ATP6V1C1: variants seen among roughly 807,000 people sequenced by gnomAD.
ATP6V1C1 encodes the protein V-type proton ATPase subunit C 1.
Under a neutral mutation model 53.9 loss-of-function variants are expected in ATP6V1C1, and 45 were observed. The observed-to-expected ratio is 0.83, with a 90% confidence interval of 0.66 to 1.07. The LOEUF (loss-of-function observed/expected upper bound fraction) is 1.07, where lower values mean the gene tolerates loss of function less well. Among genes scored for constraint, ATP6V1C1 ranks in the 50% least tolerant of loss-of-function variants. The probability of loss-of-function intolerance (pLI) is 0.00; values close to 1 mark genes in which losing one functional copy is unlikely to be tolerated. For synonymous variants in ATP6V1C1, 153 were observed against 155.2 expected (o/e 0.99, Z 0.11); for missense variants, 315 against 440.3 (o/e 0.72, Z 2.55).
intron 3 of ATP6V1C1, among the ~76,000 whole-genome samples, chr8:103,043,472 A>G (rs2892493): frequency 0.83 from 125,190 of 151,236 alleles, 52,186 homozygotes; most frequent in African/African-American, 0.93. Flanking sequence ...ACAGGCACCC[A>G]CCACCACGCC....
intron 7 of ATP6V1C1, 56 bp downstream of exon 7, chr8:103,054,038 T>C: frequency 7.3e-7 from 1 of 1,372,874 alleles, no homozygotes; most frequent in Admixed American, 1.9e-5. Context: ...AAAATGTTAG[T>C]ATCTAGTATT....
chr8:103,059,671 C>T (rs1010525886), intron 8 of ATP6V1C1, among the ~76,000 whole-genome samples: 3 of 152,088 alleles, frequency 2.0e-5, no homozygotes, highest in Non-Finnish European at 4.4e-5. Context: ...ACTCTCCCCA[C>T]TCCCCCAAGA....
intron 1 of ATP6V1C1, among the ~76,000 whole-genome samples, chr8:103,032,496 T>C (rs913429339): frequency 7.2e-5 from 11 of 152,164 alleles, no homozygotes; most frequent in African/African-American, 2.7e-4. Flanking sequence ...CTTTTTCTTT[T>C]TCTTTTCTTT....
chr8:103,048,580 C>A (rs1817146131), intron 3 of ATP6V1C1, among the ~76,000 whole-genome samples: 1 of 152,138 alleles, frequency 6.6e-6, no homozygotes, highest in Non-Finnish European at 1.5e-5. Context: ...TGGCTATTTA[C>A]AGACTCTTTC....
intron 1 of ATP6V1C1, among the ~76,000 whole-genome samples, chr8:103,039,692 T>C (rs1279156774): frequency 6.6e-6 from 1 of 152,062 alleles, no homozygotes; most frequent in East Asian, 1.9e-4. Context: ...TCTGAATAGA[T>C]TTGTCTCTGT....
chr8:103,030,746 G>T (rs1484504323), intron 1 of ATP6V1C1, among the ~76,000 whole-genome samples: 3 of 150,164 alleles, frequency 2.0e-5, no homozygotes, highest in African/African-American at 7.6e-5. Flanking sequence ...GCTAGGCAGA[G>T]AAATAAACAC....
At chr8:103,057,249 C>T (rs1052185248) in intron 8 of ATP6V1C1, among the ~76,000 whole-genome samples, 2 of 152,300 alleles carry the variant, frequency 1.3e-5, no homozygotes, top group Non-Finnish European at 2.9e-5. Flanking sequence ...ATGTAAATGA[C>T]GTGGTAGCCT....
At chr8:103,050,383 A>G (rs1817179343) in intron 4 of ATP6V1C1, among the ~76,000 whole-genome samples, 1 of 152,188 alleles carries the variant, frequency 6.6e-6, no homozygotes, top group Admixed American at 6.5e-5. Context: ...GACTGGTATT[A>G]TGTAAGGAGA....
At position 103,051,140 on chromosome 8, in the gene ATP6V1C1, C is replaced by T; in HGVS notation, c.377C>T (p.Ala126Val). ...QSLKNISEII[A>V]KGVTQIDNDL... ...CTGAAAAATATTTCTGAAATAATTG[C>T]CAAGGTAAGATAATACTTGAGACAA... The change falls in exon 5 of 13, where the codon GCC (alanine) becomes GTC (valine). Residue 126 changes from alanine to valine, a missense_variant. Coordinates refer to ENST00000518738, the MANE Select transcript of ATP6V1C1 (RefSeq NM_001695.5). The T allele has an allele frequency of 6.3e-7, 1 of 1,595,508 alleles. No homozygotes were observed. The highest frequency in any genetic ancestry group is 8.6e-7 in the Non-Finnish European group (1 of 1,165,468).
chr8:103,026,731 T>A (rs1370031385), intron 1 of ATP6V1C1, among the ~76,000 whole-genome samples: 1 of 152,096 alleles, frequency 6.6e-6, no homozygotes, highest in African/African-American at 2.4e-5. Context: ...AAGAATCGCT[T>A]AAACCCAGGA....
intron 12 of ATP6V1C1, among the ~76,000 whole-genome samples, chr8:103,067,843 C>T (rs1177884589): frequency 6.6e-6 from 1 of 152,072 alleles, no homozygotes; most frequent in African/African-American, 2.4e-5. Flanking sequence ...CCTCGGCCTC[C>T]CAAAGTGCTA....
Position 103,048,913 on chromosome 8 carries a change from G to A in ATP6V1C1, c.244G>A (p.Asp82Asn), listed in dbSNP as rs950920980. The A allele has an allele frequency of 1.2e-6, 2 of 1,613,202 alleles. No homozygotes were observed. Among genetic ancestry groups the A allele is most frequent in the African/African-American group, 2.7e-5 (2 of 74,900 alleles). The part of the protein sequence containing the change: ...VAQYMADVLE[D>N]SKDKVQENLL... ...TCAATACATGGCTGATGTATTGGAA[G>A]ATAGCAAAGACAAAGTTCAAGAGAA... Residue 82 changes from aspartate (D) to asparagine (N), a missense_variant, in exon 4 of 13, where the codon GAT (aspartate) becomes AAT (asparagine). Asp to Asn is a conservative substitution (Grantham distance 23, BLOSUM62 1). Transcript: ENST00000518738.
intron 8 of ATP6V1C1, among the ~76,000 whole-genome samples, chr8:103,059,157 A>G (rs527939295): frequency 6.6e-6 from 1 of 152,288 alleles, no homozygotes; most frequent in East Asian, 1.9e-4. Flanking sequence ...AGCCTAGCTA[A>G]GAAGTGCAGG....
intron 1 of ATP6V1C1, among the ~76,000 whole-genome samples, chr8:103,029,828 G>A (rs1289446954): frequency 1.3e-5 from 2 of 152,102 alleles, no homozygotes; most frequent in Admixed American, 6.6e-5. Flanking sequence ...TGCCTCCCGG[G>A]TTCAAGTGAT....
intron 10 of ATP6V1C1, among the ~76,000 whole-genome samples, chr8:103,063,804 G>A (rs1817443618): frequency 6.6e-6 from 1 of 152,236 alleles, no homozygotes; most frequent in African/African-American, 2.4e-5. Flanking sequence ...AAGACTAAAA[G>A]CTTGTTTGGA....
Position 103,068,830 on chromosome 8 carries a change from CTCTAGTATCCTTTGCTTGCT to C in ATP6V1C1, c.*87_*106del. 2 of 1,162,728 alleles carry C rather than the reference CTCTAGTATCCTTTGCTTGCT, an allele frequency of 1.7e-6. No homozygotes were observed. Among genetic ancestry groups the C allele is most frequent in the South Asian group, 3.1e-5 (2 of 64,106 alleles). The allele number at this position is 1,162,728 out of a possible 1,614,324, so 72.0% of individuals were successfully genotyped here. Reference sequence around the variant, plus strand: ...AGTTGCAGTATGGTCGTACTTTTAACTCTAGTATCCTTTGCTTGCTTCTTACGCCCTTTCCTAGGTGAATT... The same window carrying C: ...AGTTGCAGTATGGTCGTACTTTTAACTCTTACGCCCTTTCCTAGGTGAATT... On this transcript the variant is annotated 3_prime_UTR_variant, in exon 13 of 13. Transcript: ENST00000518738.
chr8:103,066,246 G>A, intron 11 of ATP6V1C1, 75 bp from the exon 12 acceptor site: 1 of 1,500,550 alleles, frequency 6.7e-7, no homozygotes, highest in Non-Finnish European at 8.9e-7. Flanking sequence ...AAGAGTATGA[G>A]AATATTTGCT....
rs1040063737 is a variant in ATP6V1C1 at position 103,062,868 on chromosome 8, C to T, written c.642-87C>T. ...GGAAGGGCTATTATACCCTACTTTT[C>T]TCTTCCACCTGTTTCTGAATTTTGC... On this transcript the variant is annotated intron_variant, in intron 8 of 12. Coordinates refer to ENST00000518738, the MANE Select transcript of ATP6V1C1 (RefSeq NM_001695.5). The T allele has an allele frequency of 1.3e-5, 15 of 1,171,700 alleles. No individual in the cohort carries two copies. The African/African-American group carries it at 1.7e-4, about 13-fold the overall frequency. The allele number at this position is 1,171,700 out of a possible 1,614,324, so 72.6% of individuals were successfully genotyped here. A position where few individuals can be genotyped will look rare whatever the true frequency, so the allele number is the denominator to read the frequency against.
At chr8:103,063,712 G>C (rs1817442655) in intron 10 of ATP6V1C1, among the ~76,000 whole-genome samples, 1 of 152,076 alleles carries the variant, frequency 6.6e-6, no homozygotes, top group Non-Finnish European at 1.5e-5. Context: ...GTGTGTTCTA[G>C]GTGTAATGGG....
Sources: gnomAD v4.1 joint callset for allele counts (sites outside exome capture counted in the v4.1 genomes callset) on GRCh38, gnomAD v4.1.1 for gene constraint, MANE v1.5 for transcripts, NCBI Gene and HGNC (gene_info 2026-07-23, HGNC 2026-07-21) for gene names.